Variants in PMPCB observed in about 807,000 individuals in gnomAD.
PMPCB encodes mitochondrial-processing peptidase subunit beta.
A neutral mutation model predicts 61.5 loss-of-function variants in PMPCB; 46 were observed. The ratio of observed to expected loss-of-function variants is 0.75; its 90% CI spans 0.59 to 0.96. The LOEUF (loss-of-function observed/expected upper bound fraction) is 0.96. PMPCB is among the 40% of genes least tolerant of loss of function. The pLI is 0.00. For missense variants in PMPCB, 590 were observed against 602.4 expected, an observed-to-expected ratio of 0.98 and a Z score of 0.22; for synonymous variants, 191 against 201.6, an observed-to-expected ratio of 0.95 and a Z score of 0.44.
At chr7:103,315,956 TTAAAG>T (rs1417877504), downstream of PMPCB, 6 of 1,564,562 alleles carry the variant, frequency 3.8e-6, no homozygotes, top group Admixed American at 1.8e-5. Context: ...AAATAGGTGT[TTAAAG>T]TAACAAATGG....
At position 103,300,246 on chromosome 7, in the gene PMPCB, C is replaced by G. The variant is rs1229646882; in HGVS notation, c.396C>G (p.Ala132=). ...EIENMGAHLN[A]YTSREQTVYY... ...AAAATATGGGTGCTCATCTCAATGC[C>G]TATACCTCCAGAGAGCAGACTGTAT... The change falls in exon 4 of 13, where the codon GCC becomes GCG. Residue 132 remains alanine (A), a synonymous_variant. Coordinates refer to ENST00000249269, the MANE Select transcript of PMPCB (RefSeq NM_004279.3). 1.2e-6 allele frequency: 2 copies of G among 1,611,388 alleles called. No homozygotes were observed. The highest frequency in any genetic ancestry group is 4.5e-5 in the East Asian group (2 of 44,824).
chr7:103,313,166 C>T lies in PMPCB; in HGVS notation c.*895C>T. 6.6e-7 allele frequency: 1 copy of T among 1,520,046 alleles called. No individual in the cohort carries two copies. The highest frequency in any genetic ancestry group is 2.3e-5 in the Admixed American group (1 of 44,142). 94.2% of individuals were successfully genotyped at this position (1,520,046 alleles called of 1,614,324 possible). A position where few individuals can be genotyped will look rare whatever the true frequency, so the allele number is the denominator to read the frequency against. On this transcript the variant is annotated 3_prime_UTR_variant, in exon 13 of 13. Transcript: ENST00000249269. The stretch of plus-strand genomic sequence containing the variant: ...CATGTTCTCAGACAAGTCTTGTGGT[C>T]CACAAGTATTCGCTAAGTGCCCATT...
At chr7:103,316,630 A>G (rs1010502702), downstream of PMPCB, 2 of 554,502 alleles carry the variant, frequency 3.6e-6, no homozygotes, top group African/African-American at 1.9e-5. Flanking sequence ...GTATTCTGTC[A>G]TATGTATATG....
intron 12 of PMPCB, chr7:103,328,908 T>A: frequency 1.3e-6 from 1 of 791,426 alleles, no homozygotes; most frequent in Non-Finnish European, 1.8e-6. Context: ...TGTTTTTCCT[T>A]ATTTAGGATT....
the PMPCB span, chr7:103,336,657 T>C: frequency 6.6e-6 from 1 of 152,240 alleles, no homozygotes; most frequent in Non-Finnish European, 1.5e-5. Flanking sequence ...ATGCTATTCT[T>C]TCGTATAGTA....
intron 12 of PMPCB, chr7:103,321,889 A>T: frequency 6.4e-7 from 1 of 1,560,724 alleles, no homozygotes. Flanking sequence ...CTTAATAAGC[A>T]ACTTGATTTA....
the PMPCB span, chr7:103,344,644 G>C: frequency 6.2e-7 from 1 of 1,605,390 alleles, no homozygotes; most frequent in South Asian, 1.1e-5. Context: ...GTCTAGCCCG[G>C]TGGGCGCAGC....
intron 1 of PMPCB, 158 bp downstream of exon 1, chr7:103,297,716 C>CG: frequency 6.5e-7 from 1 of 1,534,900 alleles, no homozygotes; most frequent in Non-Finnish European, 8.7e-7. Context: ...CTGAACTGGC[C>CG]GGGGGTGACT....
the PMPCB span, among the ~76,000 whole-genome samples, chr7:103,345,940 C>CT: frequency 6.6e-6 from 1 of 150,646 alleles, no homozygotes; most frequent in African/African-American, 2.4e-5. Flanking sequence ...GAGACCCCGT[C>CT]TTTAAAAAAA....
Position 103,313,678 on chromosome 7 carries a change from A to G in PMPCB, c.*1407A>G. ...GGTGTTCTCTTCGTCACATCTGCTA[A>G]AATCTTGGGAGCCGATGCTGAACAC... On this transcript the variant is annotated 3_prime_UTR_variant, in exon 13 of 13. Coordinates refer to ENST00000249269, the MANE Select transcript of PMPCB (RefSeq NM_004279.3). The G allele has an allele frequency of 1.0e-6, 1 of 985,448 alleles. No individual in the cohort carries two copies. Among genetic ancestry groups the G allele is most frequent in the Middle Eastern group, 5.2e-4 (1 of 1,914 alleles). The allele number at this position is 985,448 out of a possible 1,614,324, so 61.0% of individuals were successfully genotyped here.
At chr7:103,328,970 A>G (rs747008535) in exon 13 of PMPCB, 1 of 1,272,112 alleles carries the variant, frequency 7.9e-7, no homozygotes, top group South Asian at 1.3e-5. Context: ...TGGAAATGGA[A>G]CAAGTTATTT....
chr7:103,311,316 A>G (rs887049143), intron 9 of PMPCB: 7 of 272,942 alleles, frequency 2.6e-5, no homozygotes, highest in South Asian at 1.1e-4. Context: ...TCAGAAACCA[A>G]TGAATGACCC....
Position 103,312,417 on chromosome 7 carries a change from G to GTTGT in PMPCB, c.*149_*152dup, listed in dbSNP as rs1817795437. 6.6e-7 allele frequency: 1 copy of GTTGT among 1,508,960 alleles called. No homozygotes were observed. The highest frequency in any genetic ancestry group is 1.4e-5 in the African/African-American group (1 of 70,932). 93.5% of individuals were successfully genotyped at this position (1,508,960 alleles called of 1,614,324 possible). A position where few individuals can be genotyped will look rare whatever the true frequency, so the allele number is the denominator to read the frequency against. On this transcript the variant is annotated 3_prime_UTR_variant, in exon 13 of 13. Coordinates refer to ENST00000249269, the MANE Select transcript of PMPCB (RefSeq NM_004279.3). ...GGATAAAAAGACTACCCCTCTGAAG[G>GTTGT]TTGTTTTGTATTAATGGTCAGTCTT... is the stretch of plus-strand genomic sequence containing the variant.
downstream of PMPCB, chr7:103,316,403 C>G (rs1818057551): frequency 8.8e-6 from 2 of 228,034 alleles, no homozygotes; most frequent in Non-Finnish European, 1.7e-5. Flanking sequence ...ATCAATCATT[C>G]TGAAAACAGC....
chr7:103,317,600 T>C (rs535710267), downstream of PMPCB, among the ~76,000 whole-genome samples: 2 of 152,180 alleles, frequency 1.3e-5, no homozygotes, highest in Admixed American at 6.5e-5. Context: ...AATGCTAACC[T>C]TGAAAAATTT....
chr7:103,306,314 G>C (rs984417542), intron 6 of PMPCB, among the ~76,000 whole-genome samples: 1 of 151,544 alleles, frequency 6.6e-6, no homozygotes, highest in Non-Finnish European at 1.5e-5. Flanking sequence ...AGTAATTCCT[G>C]AGTTTTTGCA....
Position 103,313,509 on chromosome 7 carries a change from C to T in PMPCB, c.*1238C>T. 2 of 984,784 alleles carry T rather than the reference C, an allele frequency of 2.0e-6. No homozygotes were observed. The highest frequency in any genetic ancestry group is 1.0e-3 in the Middle Eastern group (2 of 1,914). The allele number at this position is 984,784 out of a possible 1,614,324, so 61.0% of individuals were successfully genotyped here. On this transcript the variant is annotated 3_prime_UTR_variant, in exon 13 of 13. Transcript: ENST00000249269. ...CCTTACAGAATAGGTAAAAGAGCTTCCTCACAGTTAAACTTTTGCTGGATA... is the reference window on the plus strand; with the variant it reads ...CCTTACAGAATAGGTAAAAGAGCTTTCTCACAGTTAAACTTTTGCTGGATA...
chr7:103,298,788 G>A (rs964351827), intron 2 of PMPCB, 80 bp downstream of exon 2: 4 of 1,367,172 alleles, frequency 2.9e-6, no homozygotes, highest in East Asian at 2.4e-5. Context: ...TAGCTTTTTC[G>A]TTGGCTGGTG....
At chr7:103,318,122 C>A (rs550320921), downstream of PMPCB, among the ~76,000 whole-genome samples, 40 of 152,212 alleles carry the variant, frequency 2.6e-4, no homozygotes, top group African/African-American at 8.9e-4. Flanking sequence ...TTCTGCTTTT[C>A]CTAACTGATT....
Sources: allele counts gnomAD v4.1 joint callset (sites outside exome capture counted in the v4.1 genomes callset), GRCh38; gene constraint gnomAD v4.1.1; transcripts MANE v1.5; gene names NCBI Gene and HGNC (gene_info 2026-07-23, HGNC 2026-07-21).